The following PALM2AKAP2 variants were observed in gnomAD, a reference collection of about 807,000 sequenced individuals.
PALM2AKAP2 encodes PALM2-AKAP2 fusion protein.
In PALM2AKAP2, 37 loss-of-function variants were observed where a neutral mutation model predicts 71.5. The ratio of observed to expected loss-of-function variants is 0.52; its 90% CI spans 0.40 to 0.68. PALM2AKAP2 has a LOEUF of 0.68. Among genes scored for constraint, PALM2AKAP2 ranks in the 30% least tolerant of loss-of-function variants. The probability of loss-of-function intolerance (pLI) is 0.00; values close to 1 mark genes in which losing one functional copy is unlikely to be tolerated. For synonymous variants in PALM2AKAP2, 468 were observed against 478.8 expected, an observed-to-expected ratio of 0.98 and a Z score of 0.29; for missense variants, 1,224 against 1,191.8, an observed-to-expected ratio of 1.03 and a Z score of -0.40.
intron 6 of PALM2AKAP2, 62 bp from the exon 7 acceptor site, chr9:110,015,892 A>G: frequency 6.9e-7 from 1 of 1,440,134 alleles, no homozygotes; most frequent in Non-Finnish European, 9.7e-7. Flanking sequence ...GAGCAATAAC[A>G]ACTGTGTATC....
At chr9:109,686,117 T>C (rs1383250375) in intron 1 of PALM2AKAP2, among the ~76,000 whole-genome samples, 1 of 152,208 alleles carries the variant, frequency 6.6e-6, no homozygotes, top group Non-Finnish European at 1.5e-5. Flanking sequence ...TGAGTTCTCT[T>C]GCTATTTCAA....
At chr9:109,816,360 T>G (rs1236588759) in intron 1 of PALM2AKAP2, among the ~76,000 whole-genome samples, 1 of 152,086 alleles carries the variant, frequency 6.6e-6, no homozygotes, top group Non-Finnish European at 1.5e-5. Context: ...GACATAAAAA[T>G]GAAGACAGGA....
intron 1 of PALM2AKAP2, among the ~76,000 whole-genome samples, chr9:110,091,054 A>G (rs1229901124): frequency 2.0e-5 from 3 of 152,074 alleles, no homozygotes; most frequent in African/African-American, 7.2e-5. Context: ...AAACAACTAC[A>G]TGAGCTCTGT....
intron 1 of PALM2AKAP2, among the ~76,000 whole-genome samples, chr9:109,820,137 T>C (rs1827958644): frequency 6.6e-6 from 1 of 152,170 alleles, no homozygotes; most frequent in South Asian, 2.1e-4. Context: ...AATTTGAATA[T>C]CAAAATTGGA....
At chr9:109,659,834 G>A (rs779798554) in intron 1 of PALM2AKAP2, among the ~76,000 whole-genome samples, 40 of 152,048 alleles carry the variant, frequency 2.6e-4, no homozygotes, top group Non-Finnish European at 5.1e-4. Context: ...AGTGCACTTC[G>A]AAAAAACTTT....
intron 2 of PALM2AKAP2, among the ~76,000 whole-genome samples, chr9:110,149,759 G>GCAA (rs1217110312): frequency 6.6e-6 from 1 of 152,154 alleles, no homozygotes; most frequent in Non-Finnish European, 1.5e-5. Flanking sequence ...CAAGCCCTGG[G>GCAA]CAACATAGTG....
intron 7 of PALM2AKAP2, among the ~76,000 whole-genome samples, chr9:110,020,544 G>A (rs554555142): frequency 1.4e-4 from 21 of 152,082 alleles, no homozygotes; most frequent in Non-Finnish European, 2.4e-4. Flanking sequence ...TTACCCGGGC[G>A]TGGTGATGCA....
intron 6 of PALM2AKAP2, among the ~76,000 whole-genome samples, chr9:110,015,744 G>C (rs149086323): frequency 5.9e-5 from 9 of 152,310 alleles, no homozygotes; most frequent in Non-Finnish European, 1.2e-4. Context: ...TCCTAAATTG[G>C]AGATTAGGTA....
chr9:110,058,898 G>GTTTTTTTTTTTT (rs202140304), intron 1 of PALM2AKAP2, among the ~76,000 whole-genome samples: 5 of 111,736 alleles, frequency 4.5e-5, no homozygotes, highest in African/African-American at 1.1e-4. Context: ...AAGTTTTTTG[G>GTTTTTTTTTTTT]TTTTTTTTTT....
intron 7 of PALM2AKAP2, among the ~76,000 whole-genome samples, chr9:110,035,904 C>T (rs1420667282): frequency 2.7e-5 from 4 of 149,062 alleles, no homozygotes; most frequent in African/African-American, 9.8e-5. Context: ...TTATATATAA[C>T]ATATATATGA....
rs1342444130 is a variant in PALM2AKAP2 at position 110,014,827 on chromosome 9, T to C, written c.497-1127T>C. Among the ~76,000 whole-genome samples the C allele has an allele frequency of 1.2e-4, 13 of 110,642 alleles. 1 individual carries two copies. The highest frequency in any genetic ancestry group is 4.4e-4 in the African/African-American group (13 of 29,512). The allele number at this position is 110,642 out of a possible 152,430, so 72.6% of individuals were successfully genotyped here. On this transcript the variant is annotated intron_variant, in intron 6 of 9. Coordinates refer to the PALM2AKAP2 transcript ENST00000302798. ...AAATGTATATATATATATATATATA[T>C]ATATATATATATATATATATATATA...
chr9:110,090,102 G>A, intron 1 of PALM2AKAP2: 1 of 246,088 alleles, frequency 4.1e-6, no homozygotes, highest in African/African-American at 2.3e-5. Flanking sequence ...ATTTGCCCTT[G>A]AAGGCTGTAA....
chr9:109,915,950 C>CT lies in PALM2AKAP2; in HGVS notation c.258-7774dup, dbSNP rs896373058. Reference sequence around the variant, plus strand: ...GGCAAAGGGAAAATATATTGGCTTGCTTTTTTTTTTTGAGATGGAATCTTG... The same window carrying CT: ...GGCAAAGGGAAAATATATTGGCTTGCTTTTTTTTTTTTGAGATGGAATCTTG... On this transcript the variant is annotated intron_variant, in intron 3 of 9. Transcript: ENST00000302798. Among the ~76,000 whole-genome samples, 1,262 of 145,608 alleles carry CT rather than the reference C, an allele frequency of 8.7e-3. 15 individuals carry two copies. Among genetic ancestry groups the CT allele is most frequent in the African/African-American group, 0.029 (1,148 of 39,924 alleles).
At chr9:110,094,136 T>C (rs1214373871) in intron 1 of PALM2AKAP2, among the ~76,000 whole-genome samples, 1 of 152,192 alleles carries the variant, frequency 6.6e-6, no homozygotes, top group African/African-American at 2.4e-5. Flanking sequence ...CTGCTTACCA[T>C]TGCACTGGCA....
At chr9:110,087,584 G>A (rs1834602784) in intron 1 of PALM2AKAP2, among the ~76,000 whole-genome samples, 1 of 152,198 alleles carries the variant, frequency 6.6e-6, no homozygotes, top group African/African-American at 2.4e-5. Context: ...TGCTGTGAAT[G>A]AGTTCTAGAA....
At chr9:110,081,079 C>A (rs1040927754) in intron 1 of PALM2AKAP2, among the ~76,000 whole-genome samples, 5 of 152,164 alleles carry the variant, frequency 3.3e-5, no homozygotes, top group African/African-American at 9.7e-5. Flanking sequence ...CTTCCGGAGA[C>A]TGAATGAAAG....
intron 1 of PALM2AKAP2, among the ~76,000 whole-genome samples, chr9:110,102,290 A>ACTT (rs556633764): frequency 3.3e-5 from 5 of 152,248 alleles, no homozygotes; most frequent in Non-Finnish European, 7.3e-5. Context: ...GATTAGGCTT[A>ACTT]CTTCTGTATT....
At chr9:110,088,440 G>A (rs927720965) in intron 1 of PALM2AKAP2, among the ~76,000 whole-genome samples, 6 of 152,222 alleles carry the variant, frequency 3.9e-5, no homozygotes, top group African/African-American at 7.2e-5. Flanking sequence ...GTTGTGGGAA[G>A]GGAGCAATCA....
At chr9:109,805,745 C>T (rs758221983) in intron 1 of PALM2AKAP2, among the ~76,000 whole-genome samples, 16 of 152,184 alleles carry the variant, frequency 1.1e-4, no homozygotes, top group South Asian at 4.1e-4. Flanking sequence ...AGGTAATTTA[C>T]GCATTTGGTA....
Sources: gnomAD v4.1 joint callset for allele counts (sites outside exome capture counted in the v4.1 genomes callset) on GRCh38, gnomAD v4.1.1 for gene constraint, MANE v1.5 for transcripts, NCBI Gene and HGNC (gene_info 2026-07-23, HGNC 2026-07-21) for gene names.